Variants in LGR6 observed in about 807,000 individuals in gnomAD.
The protein encoded by LGR6 is leucine-rich repeat-containing G protein-coupled receptor 6.
A neutral mutation model predicts 69.4 loss-of-function variants in LGR6; 45 were observed. The ratio of observed to expected loss-of-function variants is 0.65; its 90% confidence interval spans 0.51 to 0.83. The LOEUF (loss-of-function observed/expected upper bound fraction) is 0.83, where lower values mean the gene tolerates loss of function less well. Ranked by LOEUF, LGR6 falls within the 40% of genes least tolerant of loss-of-function variation. LGR6 has a pLI of 0.00. For synonymous variants in LGR6, 538 were observed against 555.0 expected, an observed-to-expected ratio of 0.97 and a Z score of 0.43; for missense variants, 1,108 against 1,246.7, an observed-to-expected ratio of 0.89 and a Z score of 1.68.
chr1:202,251,885 G>T (rs1011304672), intron 4 of LGR6, among the ~76,000 whole-genome samples: 4 of 152,184 alleles, frequency 2.6e-5, no homozygotes, highest in Non-Finnish European at 4.4e-5. Flanking sequence ...GGGAAAGAGA[G>T]AGAAGAGGAG....
intron 1 of LGR6, among the ~76,000 whole-genome samples, chr1:202,210,504 C>G (rs1469312774): frequency 6.6e-6 from 1 of 151,962 alleles, no homozygotes; most frequent in Non-Finnish European, 1.5e-5. Flanking sequence ...GGGCAGCCCT[C>G]TTCAGACCTG....
chr1:202,201,384 G>C (rs1306670319), intron 1 of LGR6, among the ~76,000 whole-genome samples: 1 of 152,192 alleles, frequency 6.6e-6, no homozygotes, highest in Admixed American at 6.5e-5. Flanking sequence ...AGCGTTTATT[G>C]AATGATTGGC....
chr1:202,304,944 A>C (rs1311208355), intron 11 of LGR6, among the ~76,000 whole-genome samples: 3 of 152,186 alleles, frequency 2.0e-5, no homozygotes, highest in Non-Finnish European at 2.9e-5. Context: ...TAAATGACAT[A>C]ATTACTGTAA....
chr1:202,229,925 A>G (rs1310896218), intron 3 of LGR6, among the ~76,000 whole-genome samples: 1 of 152,126 alleles, frequency 6.6e-6, no homozygotes. Context: ...CTAGGCACGA[A>G]TTACTTTCTG....
intron 9 of LGR6, among the ~76,000 whole-genome samples, chr1:202,302,847 G>C (rs1337597518): frequency 6.6e-6 from 1 of 152,074 alleles, no homozygotes; most frequent in Non-Finnish European, 1.5e-5. Flanking sequence ...ACACCCGGCT[G>C]AGAACTGATA....
chr1:202,204,463 C>CCA (rs1658981092), intron 1 of LGR6, among the ~76,000 whole-genome samples: 1 of 86,440 alleles, frequency 1.2e-5, no homozygotes, highest in South Asian at 5.2e-4. Flanking sequence ...ACACACACCT[C>CCA]CACACACACA....
At chr1:202,265,457 G>A (rs774346727) in intron 4 of LGR6, among the ~76,000 whole-genome samples, 2 of 152,222 alleles carry the variant, frequency 1.3e-5, no homozygotes, top group Admixed American at 6.5e-5. Context: ...AGAGACCAGG[G>A]TCTTCATAGT....
chr1:202,313,898 C>T (rs1653936046), intron 16 of LGR6, among the ~76,000 whole-genome samples: 1 of 152,160 alleles, frequency 6.6e-6, no homozygotes. Context: ...GTTGATGGCA[C>T]TCATTGTAGC....
At chr1:202,281,192 GC>G (rs960382180) in intron 6 of LGR6, among the ~76,000 whole-genome samples, 22 of 152,070 alleles carry the variant, frequency 1.4e-4, no homozygotes, top group African/African-American at 5.3e-4. Context: ...AAAATATGAA[GC>G]CCGGGGAATA....
At chr1:202,212,383 G>A (rs1025886966) in intron 1 of LGR6, among the ~76,000 whole-genome samples, 5 of 152,190 alleles carry the variant, frequency 3.3e-5, no homozygotes, top group Non-Finnish European at 7.3e-5. Context: ...ATTGTTCCCC[G>A]CTTACCTGGG....
intron 4 of LGR6, among the ~76,000 whole-genome samples, chr1:202,266,893 C>T (rs1271705329): frequency 8.1e-6 from 1 of 123,308 alleles, no homozygotes; most frequent in African/African-American, 2.6e-5. Context: ...TTTCCTCTCT[C>T]TCTAACGCGC....
At chr1:202,293,895 A>G (rs1468492926) in intron 6 of LGR6, among the ~76,000 whole-genome samples, 1 of 152,144 alleles carries the variant, frequency 6.6e-6, no homozygotes, top group Non-Finnish European at 1.5e-5. Context: ...ACTCCTGCAA[A>G]ATTCCTGACC....
chr1:202,215,931 A>G (rs1398441294), intron 1 of LGR6, among the ~76,000 whole-genome samples: 2 of 152,180 alleles, frequency 1.3e-5, no homozygotes, highest in Admixed American at 6.5e-5. Context: ...AAAAGGCCAA[A>G]GGGATTAGTC....
At chr1:202,290,818 C>T (rs1247922732) in intron 6 of LGR6, among the ~76,000 whole-genome samples, 3 of 152,116 alleles carry the variant, frequency 2.0e-5, no homozygotes, top group Admixed American at 6.6e-5. Context: ...GAGCTGAGAT[C>T]GCGCCATTGC....
intron 3 of LGR6, among the ~76,000 whole-genome samples, chr1:202,230,900 G>C (rs976137198): frequency 1.3e-5 from 2 of 152,182 alleles, no homozygotes; most frequent in African/African-American, 4.8e-5. Context: ...GGAAACTGGG[G>C]TAACAGTCTG....
intron 1 of LGR6, among the ~76,000 whole-genome samples, chr1:202,210,484 G>C (rs141525221): frequency 1.3e-5 from 2 of 151,798 alleles, no homozygotes; most frequent in East Asian, 3.9e-4. Context: ...ATTTGAGAGA[G>C]AGGGAGGGAG....
intron 4 of LGR6, among the ~76,000 whole-genome samples, chr1:202,257,457 G>C (rs879882944): frequency 6.6e-6 from 1 of 152,036 alleles, no homozygotes; most frequent in Non-Finnish European, 1.5e-5. Flanking sequence ...TTTAATTTTT[G>C]AATATGGTTC....
At chr1:202,306,985 C>A in intron 13 of LGR6, 46 bp downstream of exon 13, 2 of 1,507,238 alleles carry the variant, frequency 1.3e-6, no homozygotes, top group South Asian at 1.1e-5. Context: ...GCCACCGTGT[C>A]CCTCTGCTAG....
intron 3 of LGR6, among the ~76,000 whole-genome samples, chr1:202,230,671 A>G (rs2147974140): frequency 6.6e-6 from 1 of 152,330 alleles, no homozygotes; most frequent in Non-Finnish European, 1.5e-5. Flanking sequence ...AGGCTTCTCC[A>G]GTCTTTATCT....
Sources: allele counts gnomAD v4.1 joint callset (sites outside exome capture counted in the v4.1 genomes callset), GRCh38; gene constraint gnomAD v4.1.1; transcripts MANE v1.5; gene names NCBI Gene and HGNC (gene_info 2026-07-23, HGNC 2026-07-21).